The following MYO10 variants were observed in gnomAD, a reference collection of about 807,000 sequenced individuals.
The protein encoded by MYO10 is myosin X.
MYO10 carries 133 observed loss-of-function variants against 257.3 expected under a neutral mutation model. The observed-to-expected ratio is 0.52, with a 90% CI of 0.45 to 0.60. MYO10 has a LOEUF of 0.60. Ranked by LOEUF, MYO10 falls within the 20% of genes least tolerant of loss-of-function variation. The pLI, the probability that MYO10 is intolerant of heterozygous loss-of-function variation, is 0.00. For missense variants in MYO10, 2,399 were observed against 2,635.7 expected (o/e 0.91, Z 1.97); for synonymous variants, 1,104 against 1,028.6 (o/e 1.07, Z -1.40).
intron 2 of MYO10, among the ~76,000 whole-genome samples, chr5:16,842,436 C>A (rs906488738): frequency 2.0e-5 from 3 of 152,248 alleles, no homozygotes; most frequent in Non-Finnish European, 4.4e-5. Flanking sequence ...AGCCCAGCTC[C>A]ACCAGGGAAG....
chr5:16,907,458 C>G (rs984091537), intron 1 of MYO10, among the ~76,000 whole-genome samples: 1 of 152,034 alleles, frequency 6.6e-6, no homozygotes, highest in East Asian at 1.9e-4. Context: ...ACCAAGTCTG[C>G]TGATCAACAG....
At chr5:16,691,366 C>T (rs528407891) in intron 27 of MYO10, among the ~76,000 whole-genome samples, 2 of 151,398 alleles carry the variant, frequency 1.3e-5, no homozygotes, top group East Asian at 3.9e-4. Flanking sequence ...ATTATCTGAC[C>T]TCATAGCTAG....
At position 16,783,484 on chromosome 5, in the gene MYO10, G is replaced by A. The variant is rs72732235; in HGVS notation, c.468-15C>T. The A allele has an allele frequency of 9.7e-3, 15,494 of 1,603,444 alleles. 135 individuals are homozygous for A. Among genetic ancestry groups the A allele is most frequent in the South Asian group, 0.025 (2,173 of 87,712 alleles). On this transcript the variant is annotated splice_polypyrimidine_tract_variant and intron_variant, in intron 4 of 40. Coordinates refer to ENST00000513610, the MANE Select transcript of MYO10 (RefSeq NM_012334.3). ...CACTTTCACCACTGAAAGACAAAAC[G>A]GAAAAGTTTGTGCTTCTAACTATAA... is the stretch of plus-strand genomic sequence containing the variant.
rs1579788773 is a variant in MYO10 at position 16,671,521 on chromosome 5, A to C, written c.5331T>G (p.Val1777=). The C allele has an allele frequency of 6.2e-7, 1 of 1,613,966 alleles. No homozygotes were observed. Among genetic ancestry groups the C allele is most frequent in the Non-Finnish European group, 8.5e-7 (1 of 1,179,868 alleles). Reference sequence around the variant, plus strand: ...AGTAGAATTTCCATGGCAGGTCCCCAACCTCGGATGTGGCAGCCAGCCTAC... The same window carrying C: ...AGTAGAATTTCCATGGCAGGTCCCCCACCTCGGATGTGGCAGCCAGCCTAC... The part of the protein sequence containing the change: ...KFEKLAATSE[V]GDLPWKFYFK... The change falls in exon 38 of 41, where the codon GTT becomes GTG. Residue 1777 remains valine (V), a synonymous_variant. Transcript: ENST00000513610.
At chr5:16,804,629 T>C (rs1695307180) in intron 3 of MYO10, among the ~76,000 whole-genome samples, 1 of 152,102 alleles carries the variant, frequency 6.6e-6, no homozygotes, top group Non-Finnish European at 1.5e-5. Flanking sequence ...TCCCAGCACT[T>C]TGGGAAGCTG....
chr5:16,917,670 G>A, intron 1 of MYO10, among the ~76,000 whole-genome samples: 1 of 149,476 alleles, frequency 6.7e-6, no homozygotes. Flanking sequence ...ACCAGCCAGG[G>A]CAACACAGGG....
chr5:16,841,076 C>T (rs1001241259), intron 2 of MYO10, among the ~76,000 whole-genome samples: 1 of 149,704 alleles, frequency 6.7e-6, no homozygotes, highest in Non-Finnish European at 1.5e-5. Context: ...ACCTGGAAAG[C>T]GGAGATTGCA....
chr5:16,772,325 G>A (rs1427394263), intron 9 of MYO10, among the ~76,000 whole-genome samples: 2 of 151,952 alleles, frequency 1.3e-5, no homozygotes, highest in African/African-American at 4.8e-5. Context: ...AGAGACAGGG[G>A]GTTCTCCATG....
rs749179858 is a variant in MYO10, at chr5:16,925,672, A to G, written c.21+10116T>C. ...GGTGATCCACCCGCCTCGGCATCCC[A>G]AAGTGCTGAGGTAACAGGCATGAGC... On this transcript the variant is annotated intron_variant, in intron 1 of 40. Coordinates refer to ENST00000513610, the MANE Select transcript of MYO10 (RefSeq NM_012334.3). Among the ~76,000 whole-genome samples, 147 of 152,196 alleles carry G rather than the reference A, an allele frequency of 9.7e-4. 2 individuals carry two copies. The highest frequency in any genetic ancestry group is 2.8e-4 in the Non-Finnish European group (19 of 68,030).
At chr5:16,759,992 C>T (rs1740656246) in intron 17 of MYO10, among the ~76,000 whole-genome samples, 2 of 151,954 alleles carry the variant, frequency 1.3e-5, no homozygotes, top group Admixed American at 1.3e-4. Context: ...CTAGTATTTA[C>T]ATTTCTAAAA....
intron 19 of MYO10, among the ~76,000 whole-genome samples, chr5:16,713,850 C>T (rs1738733151): frequency 6.6e-6 from 1 of 152,210 alleles, no homozygotes; most frequent in African/African-American, 2.4e-5. Context: ...TACTGCGCTG[C>T]CTCCACTGGT....
At chr5:16,836,554 C>T (rs1237209414) in intron 2 of MYO10, among the ~76,000 whole-genome samples, 2 of 152,134 alleles carry the variant, frequency 1.3e-5, no homozygotes, top group East Asian at 3.9e-4. Context: ...CGGACATGCA[C>T]CAAGGGGTAT....
intron 2 of MYO10, among the ~76,000 whole-genome samples, chr5:16,875,051 C>CAT (rs1208264256): frequency 6.6e-6 from 1 of 152,120 alleles, no homozygotes; most frequent in Non-Finnish European, 1.5e-5. Context: ...ACAAGAATAG[C>CAT]ATGGGAAAGA....
rs868508946 is a variant in MYO10, at chr5:16,874,348, G to C, written c.120+3261C>G. Among the ~76,000 whole-genome samples, 6 of 59,720 alleles carry C rather than the reference G, an allele frequency of 1.0e-4. 1 individual carries two copies. The highest frequency in any genetic ancestry group is 5.8e-4 in the East Asian group (1 of 1,716). 39.2% of individuals were successfully genotyped at this position (59,720 alleles called of 152,430 possible). A position where few individuals can be genotyped will look rare whatever the true frequency, so the allele number is the denominator to read the frequency against. Reference sequence around the variant, plus strand: ...GACTCCATCTAAAAAAAAAAGCGGGGGGGGGGGGGGGTTTCTTTTCTATCA... The same window carrying C: ...GACTCCATCTAAAAAAAAAAGCGGGCGGGGGGGGGGGTTTCTTTTCTATCA... On this transcript the variant is annotated intron_variant, in intron 2 of 40. Coordinates refer to ENST00000513610, the MANE Select transcript of MYO10 (RefSeq NM_012334.3).
At chr5:16,914,238 C>T (rs1006672901) in intron 1 of MYO10, among the ~76,000 whole-genome samples, 6 of 152,192 alleles carry the variant, frequency 3.9e-5, no homozygotes, top group African/African-American at 1.2e-4. Context: ...TGGCTGAGTG[C>T]CCACTGCCAG....
intron 19 of MYO10, among the ~76,000 whole-genome samples, chr5:16,729,776 AACGCTT>A (rs1943210037): frequency 6.6e-6 from 1 of 152,138 alleles, no homozygotes; most frequent in African/African-American, 2.4e-5. Flanking sequence ...GCCCAACAGC[AACGCTT>A]TGCTAAAAGA....
At chr5:16,877,102 T>C (rs1002184515) in intron 2 of MYO10, among the ~76,000 whole-genome samples, 2 of 152,092 alleles carry the variant, frequency 1.3e-5, no homozygotes, top group African/African-American at 2.4e-5. Flanking sequence ...AGCATCTTGA[T>C]GGCCTTGGAC....
intron 1 of MYO10, among the ~76,000 whole-genome samples, chr5:16,883,274 T>G (rs1279491976): frequency 6.6e-6 from 1 of 152,198 alleles, no homozygotes; most frequent in Non-Finnish European, 1.5e-5. Context: ...ATGAACATTC[T>G]TAACCATTCC....
At chr5:16,742,176 T>G (rs779119946) in intron 19 of MYO10, 13 of 985,310 alleles carry the variant, frequency 1.3e-5, no homozygotes, top group Non-Finnish European at 1.6e-5. Context: ...ATCAAGCAGT[T>G]TAGTTGTGAT....
Sources: gnomAD v4.1 joint callset for allele counts (sites outside exome capture counted in the v4.1 genomes callset) on GRCh38, gnomAD v4.1.1 for gene constraint, MANE v1.5 for transcripts, NCBI Gene and HGNC (gene_info 2026-07-23, HGNC 2026-07-21) for gene names.